The following GALNT17 variants were observed in gnomAD, a reference collection of about 807,000 sequenced individuals.
The protein encoded by GALNT17 is UDP-GalNAc:polypeptide N-acetylgalactosaminyltransferase-like 3.
In GALNT17, 29 loss-of-function variants were observed where a neutral mutation model predicts 63.7. That is an observed-to-expected ratio of 0.46 (90% CI 0.34 to 0.62). GALNT17 has a LOEUF of 0.62. GALNT17 is among the 20% of genes least tolerant of loss of function. The probability of loss-of-function intolerance (pLI) is 0.01; values close to 1 mark genes in which losing one functional copy is unlikely to be tolerated. For missense variants in GALNT17, 603 were observed against 799.6 expected (o/e 0.75, Z 2.97); for synonymous variants, 305 against 318.3 (o/e 0.96, Z 0.45).
At chr7:71,545,752 T>A (rs1361739558) in intron 5 of GALNT17, among the ~76,000 whole-genome samples, 1 of 152,182 alleles carries the variant, frequency 6.6e-6, no homozygotes, top group African/African-American at 2.4e-5. Flanking sequence ...ATTTGCTGAG[T>A]CTTACTTACA....
At chr7:71,234,078 T>A (rs1017158542) in intron 1 of GALNT17, among the ~76,000 whole-genome samples, 1 of 152,200 alleles carries the variant, frequency 6.6e-6, no homozygotes, top group South Asian at 2.1e-4. Flanking sequence ...ATACTGGAGA[T>A]TACAACTTGA....
At chr7:71,256,504 G>T (rs1790292233) in intron 1 of GALNT17, among the ~76,000 whole-genome samples, 1 of 152,170 alleles carries the variant, frequency 6.6e-6, no homozygotes, top group African/African-American at 2.4e-5. Flanking sequence ...CTGGGAGGTG[G>T]AGGTTGCAGG....
intron 1 of GALNT17, among the ~76,000 whole-genome samples, chr7:71,167,462 T>C (rs1788463621): frequency 1.3e-5 from 2 of 152,158 alleles, no homozygotes; most frequent in Admixed American, 6.5e-5. Context: ...TGTTACTGAG[T>C]TTTGAGAGTT....
intron 1 of GALNT17, among the ~76,000 whole-genome samples, chr7:71,253,320 A>G (rs1790233781): frequency 6.6e-6 from 1 of 152,174 alleles, no homozygotes; most frequent in Non-Finnish European, 1.5e-5. Context: ...AGAGCCAATT[A>G]GAAGGGGAAA....
At chr7:71,711,293 C>T (rs1791788323) in intron 10 of GALNT17, among the ~76,000 whole-genome samples, 1 of 151,752 alleles carries the variant, frequency 6.6e-6, no homozygotes, top group Admixed American at 6.6e-5. Flanking sequence ...ACCCCATCCC[C>T]CACCCCCCAC....
intron 7 of GALNT17, among the ~76,000 whole-genome samples, chr7:71,668,444 A>C (rs1235384983): frequency 8.0e-6 from 1 of 125,554 alleles, no homozygotes; most frequent in Non-Finnish European, 1.6e-5. Context: ...TGAACCTGGG[A>C]GGCAGAGGTT....
intron 1 of GALNT17, among the ~76,000 whole-genome samples, chr7:71,223,764 G>C (rs7786194): frequency 0.52 from 79,180 of 151,796 alleles, 21,413 homozygotes; most frequent in African/African-American, 0.64. Context: ...TCTTTGTGTT[G>C]ATGTGTTCTC....
rs1789998438 is a variant in GALNT17 at position 71,603,489 on chromosome 7, C to CATGCTGAGTGCATACACTAAGTACT, written c.1080+32102_1080+32126dup. ...TATGTTAAGTGCGTACACTGGATGCCATGCTGAGTGCATACACTAAGTACT... is the reference window on the plus strand; with the variant it reads ...TATGTTAAGTGCGTACACTGGATGCCATGCTGAGTGCATACACTAAGTACTATGCTGAGTGCATACACTAAGTACT... On this transcript the variant is annotated intron_variant, in intron 6 of 10. Coordinates refer to ENST00000333538, the MANE Select transcript of GALNT17 (RefSeq NM_022479.3). 4.6e-5 allele frequency among the ~76,000 whole-genome samples: 7 copies of CATGCTGAGTGCATACACTAAGTACT among 151,134 alleles called. No homozygotes were observed. In the South Asian group the frequency reaches 1.5e-3, roughly 32 times the overall value.
At chr7:71,261,031 C>T (rs1400290633) in intron 1 of GALNT17, among the ~76,000 whole-genome samples, 1 of 152,212 alleles carries the variant, frequency 6.6e-6, no homozygotes, top group African/African-American at 2.4e-5. Context: ...CAGCTGACTT[C>T]GCAGTGCAGG....
chr7:71,602,312 T>G (rs915252305), intron 6 of GALNT17, among the ~76,000 whole-genome samples: 2 of 152,348 alleles, frequency 1.3e-5, no homozygotes, highest in East Asian at 3.9e-4. Flanking sequence ...ATCTTTAGTC[T>G]GTGCTGAGGA....
At chr7:71,360,399 A>G (rs1487227815) in intron 2 of GALNT17, among the ~76,000 whole-genome samples, 2 of 152,244 alleles carry the variant, frequency 1.3e-5, no homozygotes, top group Non-Finnish European at 2.9e-5. Flanking sequence ...CAAGAAACCC[A>G]GAAGGAAGAA....
At chr7:71,600,621 A>G (rs1466373024) in intron 6 of GALNT17, among the ~76,000 whole-genome samples, 1 of 152,170 alleles carries the variant, frequency 6.6e-6, no homozygotes, top group African/African-American at 2.4e-5. Context: ...CAGATGTCCA[A>G]GTCCAGAGCC....
chr7:71,387,405 A>G (rs1396964044), intron 2 of GALNT17, among the ~76,000 whole-genome samples: 2 of 151,642 alleles, frequency 1.3e-5, no homozygotes, highest in African/African-American at 2.4e-5. Context: ...AGCTCATGGT[A>G]GCCTTGACCT....
intron 2 of GALNT17, among the ~76,000 whole-genome samples, chr7:71,365,899 A>T (rs1035906978): frequency 1.3e-5 from 2 of 152,254 alleles, no homozygotes; most frequent in East Asian, 3.9e-4. Context: ...ATATAATAAA[A>T]TAATTACACA....
At chr7:71,353,839 C>T (rs1468801356) in intron 2 of GALNT17, among the ~76,000 whole-genome samples, 1 of 152,130 alleles carries the variant, frequency 6.6e-6, no homozygotes, top group Non-Finnish European at 1.5e-5. Flanking sequence ...AGAAATACCT[C>T]AGGCTGGGTA....
At chr7:71,454,906 C>T (rs528925700) in intron 5 of GALNT17, among the ~76,000 whole-genome samples, 3 of 152,236 alleles carry the variant, frequency 2.0e-5, no homozygotes, top group African/African-American at 7.2e-5. Flanking sequence ...TGGCACACAC[C>T]TATAATCCAA....
At chr7:71,647,388 C>A (rs971925030) in intron 6 of GALNT17, among the ~76,000 whole-genome samples, 2 of 152,076 alleles carry the variant, frequency 1.3e-5, no homozygotes, top group African/African-American at 4.8e-5. Flanking sequence ...TATTTTTAAA[C>A]AACGACAGGG....
chr7:71,382,332 A>G (rs1563051808), intron 2 of GALNT17, among the ~76,000 whole-genome samples: 1 of 152,116 alleles, frequency 6.6e-6, no homozygotes, highest in African/African-American at 2.4e-5. Context: ...GTGAGTCGAG[A>G]TCACGCCATT....
intron 6 of GALNT17, among the ~76,000 whole-genome samples, chr7:71,614,946 T>G (rs1790179800): frequency 6.6e-6 from 1 of 151,890 alleles, no homozygotes; most frequent in African/African-American, 2.4e-5. Flanking sequence ...ACTTCTGGTC[T>G]CAAGCACTTC....
Sources: allele counts gnomAD v4.1 joint callset (sites outside exome capture counted in the v4.1 genomes callset), GRCh38; gene constraint gnomAD v4.1.1; transcripts MANE v1.5; gene names NCBI Gene and HGNC (gene_info 2026-07-23, HGNC 2026-07-21).